PKHD1L1: variants seen among roughly 807,000 people sequenced by gnomAD.
The protein encoded by PKHD1L1 is PKHD1 like 1.
PKHD1L1 carries 434 observed loss-of-function variants against 462.9 expected under a neutral mutation model. The ratio of observed to expected loss-of-function variants is 0.94; its 90% CI spans 0.87 to 1.02. The LOEUF is 1.02. PKHD1L1 is among the 50% of genes least tolerant of loss of function. The pLI, the probability that PKHD1L1 is intolerant of heterozygous loss-of-function variation, is 0.00. For synonymous variants in PKHD1L1, 1,781 were observed against 1,750.0 expected, an observed-to-expected ratio of 1.02 and a Z score of -0.44; for missense variants, 5,202 against 5,096.1, an observed-to-expected ratio of 1.02 and a Z score of -0.63.
chr8:109,510,742 A>G, intron 70 of PKHD1L1, 35 bp from the exon 71 acceptor site: 3 of 1,595,128 alleles, frequency 1.9e-6, no homozygotes, highest in Non-Finnish European at 2.6e-6. Flanking sequence ...AATGTATGAT[A>G]TAGGAGTATG....
chr8:109,371,684 G>T (rs763275975), intron 2 of PKHD1L1, among the ~76,000 whole-genome samples: 1 of 125,678 alleles, frequency 8.0e-6, no homozygotes, highest in Non-Finnish European at 1.7e-5. Flanking sequence ...TTTTTGATAA[G>T]GTGTAAGGAA....
chr8:109,445,068 C>T lies in PKHD1L1; in HGVS notation c.5199C>T (p.Ala1733=), dbSNP rs762938919. 1.7e-5 allele frequency: 28 copies of T among 1,613,718 alleles called. No homozygotes were observed. Among genetic ancestry groups the T allele is most frequent in the Non-Finnish European group, 2.2e-5 (26 of 1,179,868 alleles). The change falls in exon 38 of 78, where the codon GCC becomes GCT. Residue 1733 remains alanine (A), a synonymous_variant. Transcript: ENST00000378402. ...ATCTTCTAATACATGGAGTGCCTGC[C>T]CAGTGCCAGGGAAACTGCACCTTTT... ...DVDLLIHGVP[A]QCQGNCTFSY...
At position 109,536,711 on chromosome 8, in the gene PKHD1L1, C is replaced by G. The variant is rs1353391517; in HGVS notation, c.*6621C>G. On this transcript the variant is annotated 3_prime_UTR_variant, in exon 78 of 78. Transcript: ENST00000378402. ...TGTATTATTTTTCTTGATTTCTAACCAGGCCCCTTCTGAAGAAAACTGGTT... is the reference window on the plus strand; with the variant it reads ...TGTATTATTTTTCTTGATTTCTAACGAGGCCCCTTCTGAAGAAAACTGGTT... Among the ~76,000 whole-genome samples, 1 of 152,076 alleles carries G rather than the reference C, an allele frequency of 6.6e-6. No individual in the cohort carries two copies. The highest frequency in any genetic ancestry group is 2.4e-5 in the African/African-American group (1 of 41,404).
At position 109,445,195 on chromosome 8, in the gene PKHD1L1, T is replaced by C. The variant is rs767500275; in HGVS notation, c.5326T>C (p.Leu1776=). 6.2e-6 allele frequency: 10 copies of C among 1,613,986 alleles called. No homozygotes were observed. Among genetic ancestry groups the C allele is most frequent in the Non-Finnish European group, 8.5e-6 (10 of 1,179,888 alleles). Residue 1776 remains leucine, a synonymous_variant, in exon 38 of 78, where the codon TTG becomes CTG. Transcript: ENST00000378402. The stretch of plus-strand genomic sequence containing the variant: ...TGAAGGAGAAGGTTTGGGGACTGTT[T>C]TGGAGGACATTGCTGTTTTCATTGG... ...LIEGEGLGTV[L]EDIAVFIGNQ...
chr8:109,384,093 A>G lies in PKHD1L1; in HGVS notation c.441A>G (p.Thr147=). ...AGGCAAAAAGTTTTAGAACCCCAACAATAAGAAGCATCACACCTTTATCTG... is the reference window on the plus strand; with the variant it reads ...AGGCAAAAAGTTTTAGAACCCCAACGATAAGAAGCATCACACCTTTATCTG... ...TFNAKSFRTP[T]IRSITPLSGT... is the part of the protein sequence containing the mutation. The change falls in exon 5 of 78, where the codon ACA becomes ACG. Residue 147 remains threonine, a synonymous_variant. Coordinates refer to ENST00000378402, the MANE Select transcript of PKHD1L1 (RefSeq NM_177531.6). 2 of 1,611,342 alleles carry G rather than the reference A, an allele frequency of 1.2e-6. No individual in the cohort carries two copies. The highest frequency in any genetic ancestry group is 8.5e-7 in the Non-Finnish European group (1 of 1,177,774).
At chr8:109,443,527 T>C (rs1815933389) in intron 36 of PKHD1L1, 149 bp from the exon 37 acceptor site, 4 of 613,178 alleles carry the variant, frequency 6.5e-6, no homozygotes, top group East Asian at 2.8e-5. Context: ...ACTTTTGTAC[T>C]GCCTAAGACC....
chr8:109,523,498 T>A, intron 76 of PKHD1L1, 112 bp downstream of exon 76: 2 of 1,056,990 alleles, frequency 1.9e-6, no homozygotes, highest in Non-Finnish European at 2.6e-6. Context: ...ATTATAGACA[T>A]CAGAATGCTA....
In PKHD1L1 at chr8:109,471,198, T is replaced by G. The variant is rs553274505; in HGVS notation, c.8606-3920T>G. 5 of 941,870 alleles carry G rather than the reference T, an allele frequency of 5.3e-6. No individual in the cohort carries two copies. In the East Asian group the frequency reaches 1.3e-4, roughly 25 times the overall value. The allele number at this position is 941,870 out of a possible 1,614,324, so 58.3% of individuals were successfully genotyped here. On this transcript the variant is annotated intron_variant, in intron 50 of 77. Transcript: ENST00000378402. ...TTATTACTAGTGTTTAAGTCATTTTTTACTTGAATCAGATGGTGTCATTTA... is the reference window on the plus strand; with the variant it reads ...TTATTACTAGTGTTTAAGTCATTTTGTACTTGAATCAGATGGTGTCATTTA...
At chr8:109,498,087 CTTTTTTTTT>C (rs71305953) in intron 65 of PKHD1L1, among the ~76,000 whole-genome samples, 3 of 58,960 alleles carry the variant, frequency 5.1e-5, no homozygotes, top group African/African-American at 1.5e-4. Flanking sequence ...ATCATGTTTT[CTTTTTTTTT>C]TTTTTTTTTT....
In PKHD1L1 at chr8:109,464,490, T is replaced by C. The variant is rs777875578; in HGVS notation, c.7658T>C (p.Leu2553Pro). 6.2e-7 allele frequency: 1 copy of C among 1,613,792 alleles called. No individual in the cohort carries two copies. Among genetic ancestry groups the C allele is most frequent in the Non-Finnish European group, 8.5e-7 (1 of 1,179,776 alleles). Residue 2553 changes from leucine to proline, a missense_variant, in exon 49 of 78, where the codon CTG becomes CCG. Coordinates refer to ENST00000378402, the MANE Select transcript of PKHD1L1 (RefSeq NM_177531.6). ...TTTGTACAGCAAAGTACCAGTCTTC[T>C]GAATGATGATGTGACCCCGGCTGCA... ...AVFVQQSTSL[L>P]NDDVTPAAFW...
Position 109,459,814 on chromosome 8 carries a change from A to C in PKHD1L1, c.7224A>C (p.Ala2408=). 1.2e-6 allele frequency: 2 copies of C among 1,610,928 alleles called. No individual in the cohort carries two copies. The highest frequency in any genetic ancestry group is 1.7e-6 in the Non-Finnish European group (2 of 1,178,254). ...DNVEWNNKIP[A]CPDGFDTGEF... Reference sequence around the variant, plus strand: ...TTGAGTGGAATAACAAAATTCCTGCATGTCCTGATGGATTTGACACAGGTA... The same window carrying C: ...TTGAGTGGAATAACAAAATTCCTGCCTGTCCTGATGGATTTGACACAGGTA... Residue 2408 remains alanine (A), a synonymous_variant, in exon 47 of 78, where the codon GCA becomes GCC. Transcript: ENST00000378402.
chr8:109,527,136 G>GTT, intron 77 of PKHD1L1, 116 bp downstream of exon 77: 1 of 881,102 alleles, frequency 1.1e-6, no homozygotes, highest in Non-Finnish European at 1.7e-6. Flanking sequence ...CAAAGAGAAA[G>GTT]TAACAGCCTC....
intron 27 of PKHD1L1, among the ~76,000 whole-genome samples, chr8:109,431,841 C>T (rs193246297): frequency 9.7e-4 from 148 of 152,260 alleles, no homozygotes; most frequent in African/African-American, 3.3e-3. Flanking sequence ...TATACCCAGA[C>T]GTGCTATTAC....
chr8:109,432,330 A>G (rs1348574963), intron 27 of PKHD1L1, among the ~76,000 whole-genome samples: 1 of 152,114 alleles, frequency 6.6e-6, no homozygotes, highest in Non-Finnish European at 1.5e-5. Flanking sequence ...TTCATGTATC[A>G]TATTTGAGAA....
At chr8:109,500,539 A>T (rs1043920615) in intron 67 of PKHD1L1, among the ~76,000 whole-genome samples, 2 of 94,508 alleles carry the variant, frequency 2.1e-5, no homozygotes, top group Non-Finnish European at 4.6e-5. Flanking sequence ...AAAAAAAAAA[A>T]CCTAGCTGGG....
At chr8:109,511,956 A>G (rs906941733) in intron 71 of PKHD1L1, among the ~76,000 whole-genome samples, 6 of 151,908 alleles carry the variant, frequency 3.9e-5, no homozygotes, top group African/African-American at 1.5e-4. Context: ...GATGGTGAGC[A>G]TTTTTTCATG....
At chr8:109,426,489 A>C (rs1356311783) in intron 24 of PKHD1L1, among the ~76,000 whole-genome samples, 3 of 151,924 alleles carry the variant, frequency 2.0e-5, no homozygotes, top group Non-Finnish European at 4.4e-5. Flanking sequence ...AAATTGATAA[A>C]ATTGCATATA....
In PKHD1L1 at chr8:109,425,147, A is replaced by C; in HGVS notation, c.2760A>C (p.Ser920=). ...VYRGNNWPGE[S]KIHIQRIQAA... The stretch of plus-strand genomic sequence containing the variant: ...GAGGAAATAATTGGCCAGGCGAGTC[A>C]AAAATTCATATTCAAAGAATTCAAG... The change falls in exon 24 of 78, where the codon TCA becomes TCC. Residue 920 remains serine, a synonymous_variant. Coordinates refer to ENST00000378402, the MANE Select transcript of PKHD1L1 (RefSeq NM_177531.6). The C allele has an allele frequency of 1.2e-6, 2 of 1,610,718 alleles. No individual in the cohort carries two copies.
At chr8:109,461,957 T>C (rs1424881119) in intron 48 of PKHD1L1, 49 bp downstream of exon 48, 2 of 1,549,418 alleles carry the variant, frequency 1.3e-6, no homozygotes, top group Non-Finnish European at 1.7e-6. Context: ...AGGTTATCCA[T>C]ACAAGAAATG....
Sources: gnomAD v4.1 joint callset for allele counts (sites outside exome capture counted in the v4.1 genomes callset) on GRCh38, gnomAD v4.1.1 for gene constraint, MANE v1.5 for transcripts, NCBI Gene and HGNC (gene_info 2026-07-23, HGNC 2026-07-21) for gene names.